The following PLCE1 variants were observed in gnomAD, a reference collection of about 807,000 sequenced individuals.
PLCE1 encodes the protein phospholipase C epsilon 1.
A neutral mutation model predicts 242.8 loss-of-function variants in PLCE1; 119 were observed. The observed-to-expected ratio is 0.49, with a 90% CI of 0.42 to 0.57. The LOEUF (loss-of-function observed/expected upper bound fraction) is 0.57, where lower values mean the gene tolerates loss of function less well. PLCE1 is among the 20% of genes least tolerant of loss of function. The pLI is 0.00. For missense variants in PLCE1, 2,441 were observed against 2,788.8 expected, an observed-to-expected ratio of 0.88 and a Z score of 2.81; for synonymous variants, 945 against 1,017.4, an observed-to-expected ratio of 0.93 and a Z score of 1.35.
intron 11 of PLCE1, among the ~76,000 whole-genome samples, chr10:94,255,910 A>T (rs1272417282): frequency 3.3e-5 from 3 of 91,962 alleles, no homozygotes; most frequent in South Asian, 4.0e-4. Context: ...ACACACACAC[A>T]CACACTCTCT....
intron 24 of PLCE1, among the ~76,000 whole-genome samples, chr10:94,300,760 A>G (rs2053004797): frequency 6.6e-6 from 1 of 152,158 alleles, no homozygotes; most frequent in African/African-American, 2.4e-5. Context: ...CTGAATTGCA[A>G]ATTCAAACAG....
intron 8 of PLCE1, among the ~76,000 whole-genome samples, chr10:94,250,413 A>G (rs897338433): frequency 6.6e-6 from 1 of 151,912 alleles, no homozygotes; most frequent in African/African-American, 2.4e-5. Context: ...AGGCAGGAGA[A>G]TCAGTTGAAA....
rs55994918 is a variant in PLCE1 at position 94,075,586 on chromosome 10, G to A, written c.1206+43334G>A. Among the ~76,000 whole-genome samples, 910 of 152,304 alleles carry A rather than the reference G, an allele frequency of 6.0e-3. 10 individuals carry two copies. Among genetic ancestry groups the A allele is most frequent in the Middle Eastern group, 0.024 (7 of 294 alleles). On this transcript the variant is annotated intron_variant, in intron 2 of 32. Coordinates refer to ENST00000371380, the MANE Select transcript of PLCE1 (RefSeq NM_016341.4). ...GACATTGGGTGAAAGCATTGGTATC[G>A]GTGTCTAGCTGTTTTGAGCTGAGGC... is the stretch of plus-strand genomic sequence containing the variant.
chr10:94,208,195 C>A (rs1418088047), intron 4 of PLCE1, among the ~76,000 whole-genome samples: 1 of 152,142 alleles, frequency 6.6e-6, no homozygotes, highest in African/African-American at 2.4e-5. Context: ...ACCAACCTGA[C>A]CAGGTGATCA....
rs2052742588 is a variant in PLCE1 at position 94,294,522 on chromosome 10, A to AGG, written c.5167+883_5167+884insGG. ...GTTCCAGACCACTACAATAAAGTGA[A>AGG]TATCACGATAAAATGAGTCACATTA... is the stretch of plus-strand genomic sequence containing the variant. On this transcript the variant is annotated intron_variant, in intron 23 of 32. Coordinates refer to ENST00000371380, the MANE Select transcript of PLCE1 (RefSeq NM_016341.4). 1.2e-4 allele frequency among the ~76,000 whole-genome samples: 19 copies of AGG among 152,346 alleles called. No individual in the cohort carries two copies. The East Asian group carries it at 3.7e-3, about 29-fold the overall frequency.
Position 94,171,217 on chromosome 10 carries a change from C to T in PLCE1, c.1530C>T (p.Ala510=). The part of the protein sequence containing the change: ...QPGPSVANSN[A]LPSSSAGISK... ...GCCCCTCTGTGGCCAATTCCAATGC[C>T]CTCCCTTCAAGTTCAGCTGGGATCA... The change falls in exon 4 of 33, where the codon GCC becomes GCT. Residue 510 remains alanine, a synonymous_variant. Coordinates refer to ENST00000371380, the MANE Select transcript of PLCE1 (RefSeq NM_016341.4). 1 of 1,614,160 alleles carries T rather than the reference C, an allele frequency of 6.2e-7. No homozygotes were observed.
At chr10:94,179,643 C>A (rs1302178719) in intron 4 of PLCE1, among the ~76,000 whole-genome samples, 1 of 150,434 alleles carries the variant, frequency 6.6e-6, no homozygotes, top group Non-Finnish European at 1.5e-5. Flanking sequence ...ATAGTTGGGA[C>A]TACAGGTGCA....
At chr10:94,047,432 T>C (rs919418776) in intron 2 of PLCE1, among the ~76,000 whole-genome samples, 1 of 152,202 alleles carries the variant, frequency 6.6e-6, no homozygotes, top group Non-Finnish European at 1.5e-5. Context: ...AAAAATAATA[T>C]TGATTTCTGA....
chr10:94,115,525 C>G (rs557464042), intron 2 of PLCE1, among the ~76,000 whole-genome samples: 29 of 152,268 alleles, frequency 1.9e-4, no homozygotes, highest in African/African-American at 2.4e-4. Context: ...CAGTGATGAT[C>G]AGCATTTTTT....
At chr10:94,279,552 TG>T in intron 19 of PLCE1, 1 of 565,818 alleles carries the variant, frequency 1.8e-6, no homozygotes, top group Non-Finnish European at 3.2e-6. Flanking sequence ...CACAGTCTTC[TG>T]GAGATTGTTT....
At chr10:94,190,740 A>G (rs961851341) in intron 4 of PLCE1, among the ~76,000 whole-genome samples, 1 of 152,254 alleles carries the variant, frequency 6.6e-6, no homozygotes, top group Non-Finnish European at 1.5e-5. Context: ...CATCTTGTGA[A>G]GAAATATCTA....
chr10:94,017,319 A>T (rs2061300589), intron 1 of PLCE1, among the ~76,000 whole-genome samples: 2 of 152,136 alleles, frequency 1.3e-5, no homozygotes, highest in African/African-American at 4.8e-5. Context: ...TGTTTGCTTC[A>T]TTTTTTTCTT....
At chr10:94,171,042 GA>G in intron 3 of PLCE1, 137 bp from the exon 4 acceptor site, 4 of 753,476 alleles carry the variant, frequency 5.3e-6, no homozygotes, top group East Asian at 2.5e-5. Flanking sequence ...TTTGTAAAAA[GA>G]AAAATAGTAC....
intron 27 of PLCE1, among the ~76,000 whole-genome samples, chr10:94,312,409 C>A (rs1309155500): frequency 1.3e-5 from 2 of 152,248 alleles, no homozygotes; most frequent in African/African-American, 4.8e-5. Context: ...AGTTGTAGAA[C>A]TTGCTGAGGT....
intron 4 of PLCE1, among the ~76,000 whole-genome samples, chr10:94,194,474 C>A (rs2048759427): frequency 1.3e-5 from 2 of 152,156 alleles, no homozygotes; most frequent in African/African-American, 2.4e-5. Context: ...CACTTCATGC[C>A]CCTTTTACAT....
In PLCE1 at chr10:94,246,552, G is replaced by A. The variant is rs778503444; in HGVS notation, c.3027G>A (p.Val1009=). 2 of 1,614,168 alleles carry A rather than the reference G, an allele frequency of 1.2e-6. No individual in the cohort carries two copies. Among genetic ancestry groups the A allele is most frequent in the Admixed American group, 1.7e-5 (1 of 60,028 alleles). The change falls in exon 8 of 33, where the codon GTG becomes GTA. Residue 1009 remains valine (V), a synonymous_variant. Transcript: ENST00000371380. ...GATTATTGGAACTCACTAGAGCTGT[G>A]AGAAAGATGAGGAAATTCCCTGACC... ...FSGLLELTRA[V]RKMRKFPDQR... is the part of the protein sequence containing the mutation.
At chr10:94,182,763 T>C (rs2048353359) in intron 4 of PLCE1, among the ~76,000 whole-genome samples, 1 of 152,208 alleles carries the variant, frequency 6.6e-6, no homozygotes, top group Admixed American at 6.5e-5. Context: ...AAAGCTCACA[T>C]TGTGTCTCTA....
At chr10:94,045,727 C>T (rs2061868862) in intron 2 of PLCE1, among the ~76,000 whole-genome samples, 1 of 152,174 alleles carries the variant, frequency 6.6e-6, no homozygotes. Context: ...AGAGCACCAG[C>T]CCTGGAAGAG....
rs192062351 is a variant in PLCE1 at position 94,137,049 on chromosome 10, C to T, written c.1492+4590C>T. Among the ~76,000 whole-genome samples the T allele has an allele frequency of 3.9e-5, 6 of 152,144 alleles. No homozygotes were observed. The East Asian group carries it at 7.7e-4, about 20-fold the overall frequency. ...CTACTAAAAATACAAAAAAATTAGC[C>T]GGGTATGGTGGTGGGTGCCTGTAGT... On this transcript the variant is annotated intron_variant, in intron 3 of 32. Transcript: ENST00000371380.
Sources: gnomAD v4.1 joint callset for allele counts (sites outside exome capture counted in the v4.1 genomes callset) on GRCh38, gnomAD v4.1.1 for gene constraint, MANE v1.5 for transcripts, NCBI Gene and HGNC (gene_info 2026-07-23, HGNC 2026-07-21) for gene names.